The following SLC24A4 variants were observed in gnomAD, a reference collection of about 807,000 sequenced individuals.
SLC24A4 encodes sodium/potassium/calcium exchanger 4.
A neutral mutation model predicts 79.0 loss-of-function variants in SLC24A4; 53 were observed. That is an observed-to-expected ratio of 0.67 (90% CI 0.54 to 0.84). The LOEUF is 0.84. Among genes scored for constraint, SLC24A4 ranks in the 40% least tolerant of loss-of-function variants. The pLI is 0.00. For synonymous variants in SLC24A4, 323 were observed against 323.8 expected, an observed-to-expected ratio of 1.00 and a Z score of 0.03; for missense variants, 731 against 822.0, an observed-to-expected ratio of 0.89 and a Z score of 1.35.
At chr14:92,445,102 G>A (rs896054624) in intron 7 of SLC24A4, among the ~76,000 whole-genome samples, 7 of 152,130 alleles carry the variant, frequency 4.6e-5, no homozygotes, top group Admixed American at 1.3e-4. Context: ...TATCTCTGGG[G>A]GTGGCCATGC....
chr14:92,362,135 T>C (rs1244462057), intron 2 of SLC24A4, among the ~76,000 whole-genome samples: 1 of 152,152 alleles, frequency 6.6e-6, no homozygotes, highest in Non-Finnish European at 1.5e-5. Context: ...CGTGCTTGGC[T>C]GCACTAAAAT....
chr14:92,374,719 T>C (rs1021576095), intron 2 of SLC24A4, among the ~76,000 whole-genome samples: 2 of 152,228 alleles, frequency 1.3e-5, no homozygotes, highest in African/African-American at 4.8e-5. Context: ...CTTAGTATAC[T>C]AAGGCTTAAA....
chr14:92,482,481 C>T (rs953611613), intron 12 of SLC24A4, among the ~76,000 whole-genome samples, 199 bp from the exon 13 acceptor site: 1 of 152,226 alleles, frequency 6.6e-6, no homozygotes, highest in Non-Finnish European at 1.5e-5. Context: ...ATTCAAGCAA[C>T]AAACACTTAC....
chr14:92,442,056 C>T (rs766910510), intron 4 of SLC24A4, 33 bp from the exon 5 acceptor site: 1 of 1,573,996 alleles, frequency 6.4e-7, no homozygotes, highest in South Asian at 1.1e-5. Flanking sequence ...CCCCACGTCA[C>T]ACCCTGAGGG....
At position 92,444,287 on chromosome 14, in the gene SLC24A4, G is replaced by A. The variant is rs1892666452; in HGVS notation, c.657+813G>A. ...TATGTAAATGTTTTGGCACGGATAT[G>A]CCAGGAGATCCAATGAAGGGATTGG... On this transcript the variant is annotated intron_variant, in intron 7 of 16. Transcript: ENST00000532405. Among the ~76,000 whole-genome samples, 5 of 152,288 alleles carry A rather than the reference G, an allele frequency of 3.3e-5. No homozygotes were observed. The South Asian group carries it at 1.0e-3, about 32-fold the overall frequency.
At chr14:92,485,867 T>C (rs183752267) in intron 13 of SLC24A4, among the ~76,000 whole-genome samples, 64 of 152,324 alleles carry the variant, frequency 4.2e-4, no homozygotes, top group Middle Eastern at 3.4e-3. Context: ...ACCAGGGTCA[T>C]GGGGTCACAG....
intron 9 of SLC24A4, among the ~76,000 whole-genome samples, chr14:92,448,507 A>G (rs1264148554): frequency 6.6e-6 from 1 of 152,160 alleles, no homozygotes; most frequent in Non-Finnish European, 1.5e-5. Flanking sequence ...AAACATTTAT[A>G]ATGTTTTATA....
At position 92,483,174 on chromosome 14, in the gene SLC24A4, A is replaced by G. The variant is rs144626003; in HGVS notation, c.1422+328A>G. On this transcript the variant is annotated intron_variant, in intron 13 of 16. Coordinates refer to ENST00000532405, the MANE Select transcript of SLC24A4 (RefSeq NM_153646.4). The stretch of plus-strand genomic sequence containing the variant: ...TGATCACCAAGCCCCCTTGGTTTCC[A>G]GGGTCCCAAGGGAATGTGAAGGAAG... Among the ~76,000 whole-genome samples, 927 of 152,282 alleles carry G rather than the reference A, an allele frequency of 6.1e-3. 1 individual carries two copies. The highest frequency in any genetic ancestry group is 9.6e-3 in the Non-Finnish European group (650 of 68,008).
intron 2 of SLC24A4, among the ~76,000 whole-genome samples, chr14:92,361,723 C>A (rs186733543): frequency 6.6e-6 from 1 of 152,112 alleles, no homozygotes; most frequent in Admixed American, 6.5e-5. Flanking sequence ...CAGAGAGGTG[C>A]GATGTCTCGA....
chr14:92,456,720 T>C, intron 12 of SLC24A4, 112 bp downstream of exon 12: 1 of 1,097,020 alleles, frequency 9.1e-7, no homozygotes, highest in East Asian at 2.6e-5. Flanking sequence ...AGAGGGCTGG[T>C]GCAAAGGGTC....
At chr14:92,379,074 A>ATAGC (rs1296080767) in intron 2 of SLC24A4, among the ~76,000 whole-genome samples, 9 of 152,142 alleles carry the variant, frequency 5.9e-5, no homozygotes, top group African/African-American at 1.4e-4. Flanking sequence ...AAATCAATAA[A>ATAGC]TAGCTAGCTA....
chr14:92,463,457 CT>C (rs925502384), intron 12 of SLC24A4, among the ~76,000 whole-genome samples: 18 of 152,150 alleles, frequency 1.2e-4, no homozygotes, highest in African/African-American at 4.1e-4. Flanking sequence ...ACACACAGCA[CT>C]TTGTAGTGAA....
Position 92,483,960 on chromosome 14 carries a change from G to A in SLC24A4, c.1422+1114G>A, listed in dbSNP as rs766373049. On this transcript the variant is annotated intron_variant, in intron 13 of 16. Coordinates refer to ENST00000532405, the MANE Select transcript of SLC24A4 (RefSeq NM_153646.4). The stretch of plus-strand genomic sequence containing the variant: ...CCCTTAACTCCAGAGAAACCGTGTC[G>A]TTTGGTGGGGAACAAAGGATCCTGG... 426 of 985,258 alleles carry A rather than the reference G, an allele frequency of 4.3e-4. 1 individual carries two copies. The highest frequency in any genetic ancestry group is 5.0e-4 in the Non-Finnish European group (416 of 829,922). 61.0% of individuals were successfully genotyped at this position (985,258 alleles called of 1,614,324 possible).
At chr14:92,430,509 G>A (rs1404139903) in intron 2 of SLC24A4, among the ~76,000 whole-genome samples, 1 of 152,234 alleles carries the variant, frequency 6.6e-6, no homozygotes, top group Non-Finnish European at 1.5e-5. Flanking sequence ...CCCATCCAAT[G>A]TTCAGGAAGG....
intron 2 of SLC24A4, among the ~76,000 whole-genome samples, chr14:92,367,784 C>T (rs969796461): frequency 3.3e-5 from 5 of 152,058 alleles, no homozygotes; most frequent in African/African-American, 1.2e-4. Flanking sequence ...GGTTGGAGTG[C>T]TTTGGAGGGA....
At chr14:92,453,250 C>T (rs1298406261) in intron 10 of SLC24A4, 1 of 152,242 alleles carries the variant, frequency 6.6e-6, no homozygotes, top group Non-Finnish European at 1.5e-5. Flanking sequence ...GCCAGCGGCT[C>T]ACCGTGCACC....
chr14:92,354,829 T>C (rs372362303), intron 2 of SLC24A4, among the ~76,000 whole-genome samples: 23 of 152,208 alleles, frequency 1.5e-4, no homozygotes, highest in African/African-American at 5.5e-4. Context: ...ATCCCAGCAC[T>C]TTGGGAGGCC....
chr14:92,413,340 C>G (rs527401803), intron 2 of SLC24A4, among the ~76,000 whole-genome samples: 9 of 152,316 alleles, frequency 5.9e-5, no homozygotes, highest in South Asian at 2.1e-4. Flanking sequence ...TCCCGCCCCC[C>G]TGCCTTAGCA....
At chr14:92,356,982 C>T (rs1468649904) in intron 2 of SLC24A4, among the ~76,000 whole-genome samples, 2 of 152,200 alleles carry the variant, frequency 1.3e-5, no homozygotes, top group East Asian at 3.8e-4. Flanking sequence ...AGGTGGGGCA[C>T]TGGCTTATGT....
Sources: allele counts gnomAD v4.1 joint callset (sites outside exome capture counted in the v4.1 genomes callset), GRCh38; gene constraint gnomAD v4.1.1; transcripts MANE v1.5; gene names NCBI Gene and HGNC (gene_info 2026-07-23, HGNC 2026-07-21).